The following HGF variants were observed in gnomAD, a reference collection of about 807,000 sequenced individuals.
HGF encodes fibroblast-derived tumor cytotoxic factor.
In HGF, 39 loss-of-function variants were observed where a neutral mutation model predicts 111.6. The observed-to-expected ratio is 0.35, with a 90% confidence interval of 0.27 to 0.46. HGF has a LOEUF of 0.46. Among genes scored for constraint, HGF ranks in the 20% least tolerant of loss-of-function variants. HGF has a pLI of 1.00. For missense variants in HGF, 735 were observed against 910.5 expected (o/e 0.81, Z 2.48); for synonymous variants, 285 against 294.8 (o/e 0.97, Z 0.34).
Position 81,706,363 on chromosome 7 carries a change from A to G in HGF, c.1681T>C (p.Cys561Arg). ...HDVHGRGDEK[C>R]KQVLNVSQLV... ...TGGGAAACATTGAGAACCTGTTTGC[A>G]TTTCTCATCTCCTCTTCCGTGGACA... The change falls in exon 15 of 18, where the codon TGC becomes CGC. Residue 561 changes from cysteine (C) to arginine (R), a missense_variant. Around this residue, in one of 3 missense-constraint regions of HGF, gnomAD observed 130 missense variants for 129.9 expected, o/e 1.00. Coordinates refer to ENST00000222390, the MANE Select transcript of HGF (RefSeq NM_000601.6). 6.2e-7 allele frequency: 1 copy of G among 1,611,072 alleles called. No individual in the cohort carries two copies. The highest frequency in any genetic ancestry group is 8.5e-7 in the Non-Finnish European group (1 of 1,177,484).
chr7:81,737,514 T>C (rs1453057295), intron 7 of HGF, among the ~76,000 whole-genome samples: 7 of 152,072 alleles, frequency 4.6e-5, no homozygotes, highest in Non-Finnish European at 1.0e-4. Context: ...TTCACAGTAA[T>C]GTTAAGACAT....
Position 81,743,474 on chromosome 7 carries a change from G to A in HGF, c.747-3C>T, listed in dbSNP as rs2116025893. ...CATCAAAGCCCTTGTCGGGATATCT[G>A]CAAACCACACCAAGAAAAGTGTCAC... On this transcript the variant is annotated splice_region_variant and splice_polypyrimidine_tract_variant and intron_variant, in intron 6 of 17. Coordinates refer to ENST00000222390, the MANE Select transcript of HGF (RefSeq NM_000601.6). 6.4e-7 allele frequency: 1 copy of A among 1,571,460 alleles called. No individual in the cohort carries two copies. The highest frequency in any genetic ancestry group is 8.8e-7 in the Non-Finnish European group (1 of 1,141,058).
chr7:81,723,913 G>T (rs976866598), intron 9 of HGF, among the ~76,000 whole-genome samples: 2 of 151,246 alleles, frequency 1.3e-5, no homozygotes, highest in Admixed American at 6.6e-5. Context: ...TCTATCTGTA[G>T]ATATATCTGT....
rs373877352 is a variant in HGF at position 81,736,929 on chromosome 7, G to GT, written c.865+6423_865+6424insA. 8.4e-5 allele frequency among the ~76,000 whole-genome samples: 12 copies of GT among 142,610 alleles called. No homozygotes were observed. The Middle Eastern group carries it at 0.015, about 173-fold the overall frequency. The allele number at this position is 142,610 out of a possible 152,430, so 93.6% of individuals were successfully genotyped here. A position where few individuals can be genotyped will look rare whatever the true frequency, so the allele number is the denominator to read the frequency against. On this transcript the variant is annotated intron_variant, in intron 7 of 17. Coordinates refer to ENST00000222390, the MANE Select transcript of HGF (RefSeq NM_000601.6). ...TGTGTGTGTGTGTGTGTGTGTGTGT[G>GT]GTGTTCTATAGATGAGGAATGATAT...
In HGF at chr7:81,701,417, A is replaced by G. The variant is rs887076121; in HGVS notation, c.*1164T>C. The G allele has an allele frequency of 1.3e-5, 2 of 151,542 alleles. No homozygotes were observed. The highest frequency in any genetic ancestry group is 4.8e-5 in the African/African-American group (2 of 41,368). The allele number at this position is 151,542 out of a possible 1,614,324, so 9.4% of individuals were successfully genotyped here. A position where few individuals can be genotyped will look rare whatever the true frequency, so the allele number is the denominator to read the frequency against. ...GTATTTTTATTTTTTTCTCCAATAT[A>G]TACTTTAATGCATGACTTGATGAAG... On this transcript the variant is annotated 3_prime_UTR_variant, in exon 18 of 18. Transcript: ENST00000222390.
chr7:81,703,464 C>T (rs1789340856), intron 17 of HGF, among the ~76,000 whole-genome samples: 1 of 150,574 alleles, frequency 6.6e-6, no homozygotes, highest in South Asian at 2.1e-4. Flanking sequence ...TATGGTAAGC[C>T]TGTTGCATCA....
In HGF at chr7:81,761,212, G is replaced by A. The variant is rs945692029; in HGVS notation, c.254+1495C>T. 2.0e-5 allele frequency among the ~76,000 whole-genome samples: 3 copies of A among 152,104 alleles called. No individual in the cohort carries two copies. In the East Asian group the frequency reaches 5.8e-4, roughly 29 times the overall value. ...GTAGTTGTCTCTATTTCTAACAATA[G>A]CAAGGCTTTTATAGGAAAGTCAGGG... On this transcript the variant is annotated intron_variant, in intron 2 of 17. Transcript: ENST00000222390.
chr7:81,708,866 T>C (rs1789499645), intron 13 of HGF, among the ~76,000 whole-genome samples: 1 of 152,116 alleles, frequency 6.6e-6, no homozygotes, highest in Non-Finnish European at 1.5e-5. Flanking sequence ...TCTATTTTAG[T>C]ACTACACACC....
At chr7:81,768,276 G>C (rs903962804) in intron 1 of HGF, among the ~76,000 whole-genome samples, 1 of 152,132 alleles carries the variant, frequency 6.6e-6, no homozygotes, top group African/African-American at 2.4e-5. Flanking sequence ...TTCTACTTAA[G>C]AACAGTGACA....
At chr7:81,722,178 GC>G (rs1413396441) in intron 9 of HGF, among the ~76,000 whole-genome samples, 1 of 151,782 alleles carries the variant, frequency 6.6e-6, no homozygotes, top group Non-Finnish European at 1.5e-5. Context: ...TCCAAATTTG[GC>G]CAATGGAAGC....
chr7:81,723,001 A>G (rs1789913128), intron 9 of HGF, among the ~76,000 whole-genome samples: 1 of 152,020 alleles, frequency 6.6e-6, no homozygotes, highest in Non-Finnish European at 1.5e-5. Flanking sequence ...ACATTTGACT[A>G]TGAAAGGTCA....
At chr7:81,757,011 TATTA>T (rs1788807480) in intron 4 of HGF, 174 bp downstream of exon 4, 2 of 615,716 alleles carry the variant, frequency 3.2e-6, no homozygotes, top group African/African-American at 3.7e-5. Context: ...TTTATTAACA[TATTA>T]ATTAATCATT....
chr7:81,736,029 A>G (rs527498090), intron 7 of HGF, among the ~76,000 whole-genome samples: 1 of 152,194 alleles, frequency 6.6e-6, no homozygotes, highest in South Asian at 2.1e-4. Context: ...GGGCTTCAAC[A>G]TATGGATTTG....
chr7:81,727,675 G>A (rs1471200308), intron 8 of HGF, among the ~76,000 whole-genome samples: 1 of 152,062 alleles, frequency 6.6e-6, no homozygotes, highest in Non-Finnish European at 1.5e-5. Flanking sequence ...TGGTAGAGAT[G>A]GAGTCACCCT....
chr7:81,747,334 G>C (rs181769797), intron 5 of HGF, among the ~76,000 whole-genome samples: 1,922 of 152,026 alleles, frequency 0.013, 18 homozygotes, highest in Non-Finnish European at 0.018. Flanking sequence ...GCGAGACTCC[G>C]TCTCAAAAAA....
chr7:81,744,991 A>C lies in HGF; in HGVS notation c.746+9T>G. Reference sequence around the variant, plus strand: ...GAATCACTGAAAGCATGATTCATTAATATTTTACCTTTCAGGCAAGAATTT... The same window carrying C: ...GAATCACTGAAAGCATGATTCATTACTATTTTACCTTTCAGGCAAGAATTT... On this transcript the variant is annotated intron_variant, in intron 6 of 17. Transcript: ENST00000222390. The C allele has an allele frequency of 6.2e-7, 1 of 1,613,784 alleles. No homozygotes were observed. The highest frequency in any genetic ancestry group is 8.5e-7 in the Non-Finnish European group (1 of 1,179,816).
intron 9 of HGF, among the ~76,000 whole-genome samples, chr7:81,721,273 G>C (rs942876358): frequency 1.3e-5 from 2 of 151,878 alleles, no homozygotes; most frequent in Non-Finnish European, 2.9e-5. Flanking sequence ...AAAAATTAAA[G>C]TACTTGAAAT....
At chr7:81,735,251 T>A (rs548949932) in intron 7 of HGF, among the ~76,000 whole-genome samples, 23 of 152,204 alleles carry the variant, frequency 1.5e-4, no homozygotes, top group African/African-American at 5.5e-4. Flanking sequence ...TACCTCAAAC[T>A]TTTCCCTGGA....
Position 81,706,392 on chromosome 7 carries a change from T to G in HGF, c.1652A>C (p.His551Pro), listed in dbSNP as rs752861058. ...CTCATCTCCTCTTCCGTGGACATCA[T>G]GAATTCCAAGCCAAGCTTCATAATC... ...LKDYEAWLGI[H>P]DVHGRGDEKC... The change falls in exon 15 of 18, where the codon CAT (histidine) becomes CCT (proline). Residue 551 changes from histidine to proline, a missense_variant. Around this residue, in one of 3 missense-constraint regions of HGF, gnomAD observed 130 missense variants for 129.9 expected, o/e 1.00. Coordinates refer to ENST00000222390, the MANE Select transcript of HGF (RefSeq NM_000601.6). The G allele has an allele frequency of 5.1e-5, 82 of 1,612,400 alleles. No homozygotes were observed. Among genetic ancestry groups the G allele is most frequent in the Non-Finnish European group, 4.2e-6 (5 of 1,178,794 alleles).
Sources: gnomAD v4.1 joint callset for allele counts (sites outside exome capture counted in the v4.1 genomes callset) on GRCh38, gnomAD v4.1.1 for gene constraint, gnomAD v4.1.1 regional missense constraint, MANE v1.5 for transcripts, NCBI Gene and HGNC (gene_info 2026-07-23, HGNC 2026-07-21) for gene names.